The following DIS3L2 variants were observed in gnomAD, a reference collection of about 807,000 sequenced individuals.
DIS3L2 encodes DIS3 like 3'-5' exoribonuclease 2, also known as DIS3-like exonuclease 2.
Under a neutral mutation model 97.5 loss-of-function variants are expected in DIS3L2, and 34 were observed. That is an observed-to-expected ratio of 0.35 (90% confidence interval 0.27 to 0.46). The LOEUF (loss-of-function observed/expected upper bound fraction) is 0.46. Among genes scored for constraint, DIS3L2 ranks in the 20% least tolerant of loss-of-function variants. The pLI, the probability that DIS3L2 is intolerant of heterozygous loss-of-function variation, is 1.00. For missense variants in DIS3L2, 1,038 were observed against 1,146.0 expected (o/e 0.91, Z 1.36); for synonymous variants, 435 against 445.2 (o/e 0.98, Z 0.29).
intron 13 of DIS3L2, among the ~76,000 whole-genome samples, chr2:232,280,706 A>G (rs1162081426): frequency 6.6e-6 from 1 of 152,180 alleles, no homozygotes; most frequent in South Asian, 2.1e-4. Flanking sequence ...GTTTGATGGA[A>G]ATCTGTGAGA....
At chr2:232,022,455 G>A (rs561497169) in intron 3 of DIS3L2, among the ~76,000 whole-genome samples, 1 of 152,202 alleles carries the variant, frequency 6.6e-6, no homozygotes, top group Admixed American at 6.5e-5. Context: ...CCTGGGCCCA[G>A]CCTGGCCTGT....
intron 5 of DIS3L2, among the ~76,000 whole-genome samples, chr2:232,032,756 C>T (rs1178652382): frequency 6.6e-6 from 1 of 152,082 alleles, no homozygotes; most frequent in Non-Finnish European, 1.5e-5. Flanking sequence ...GAATCCTTTC[C>T]CCATTGCTTG....
chr2:232,095,512 C>T (rs529262748), intron 6 of DIS3L2, among the ~76,000 whole-genome samples: 9 of 152,262 alleles, frequency 5.9e-5, no homozygotes, highest in African/African-American at 1.7e-4. Flanking sequence ...ACAATATTAT[C>T]TATGTCTTGA....
At chr2:232,218,159 T>A (rs923334) in intron 10 of DIS3L2, among the ~76,000 whole-genome samples, 32,920 of 152,044 alleles carry the variant, frequency 0.22, 4,606 homozygotes, top group Non-Finnish European at 0.3. Context: ...GTCAGAGAGA[T>A]TCAGTGGCCT....
At chr2:232,329,785 T>TGCCCGGGGGGGGGGCCC in intron 14 of DIS3L2, 28 bp from the exon 15 acceptor site, 93 of 967,100 alleles carry the variant, frequency 9.6e-5, no homozygotes, top group Non-Finnish European at 1.2e-4. Flanking sequence ...ACCCCAGCGG[T>TGCCCGGGGGGGGGGCCC]CCCTCCCATC....
chr2:232,183,274 A>C (rs1002586851), intron 9 of DIS3L2, among the ~76,000 whole-genome samples: 42 of 152,238 alleles, frequency 2.8e-4, no homozygotes, highest in African/African-American at 9.9e-4. Flanking sequence ...CAACTCAAAC[A>C]AACAGAGACA....
chr2:232,008,614 G>A (rs1375608537), intron 1 of DIS3L2, among the ~76,000 whole-genome samples: 1 of 152,174 alleles, frequency 6.6e-6, no homozygotes, highest in African/African-American at 2.4e-5. Context: ...GTTAGTACAA[G>A]TGGGTCTGGC....
At chr2:232,115,005 T>C (rs1697658377) in intron 6 of DIS3L2, among the ~76,000 whole-genome samples, 1 of 152,112 alleles carries the variant, frequency 6.6e-6, no homozygotes, top group Non-Finnish European at 1.5e-5. Flanking sequence ...GAGCTGAATG[T>C]GTTAGCTCAG....
chr2:232,052,514 A>G (rs1695438764), intron 5 of DIS3L2, among the ~76,000 whole-genome samples: 1 of 152,298 alleles, frequency 6.6e-6, no homozygotes, highest in South Asian at 2.1e-4. Flanking sequence ...TGTATGACAT[A>G]AAGGCCTTCC....
chr2:232,004,677 A>G (rs1694003801), intron 1 of DIS3L2, among the ~76,000 whole-genome samples: 2 of 151,436 alleles, frequency 1.3e-5, no homozygotes, highest in Admixed American at 6.6e-5. Context: ...ACCTCCTGGA[A>G]CTCAAGTGAT....
intron 16 of DIS3L2, among the ~76,000 whole-genome samples, chr2:232,333,121 TCGA>T (rs1559218279): frequency 2.7e-5 from 4 of 150,400 alleles, no homozygotes; most frequent in African/African-American, 7.4e-5. Context: ...ATTGTCCTCC[TCGA>T]CCACCACCAC....
At chr2:231,970,825 T>TATA (rs36002164) in intron 1 of DIS3L2, among the ~76,000 whole-genome samples, 83,100 of 151,860 alleles carry the variant, frequency 0.55, 25,173 homozygotes, top group East Asian at 0.82. Flanking sequence ...TTTAATTTTT[T>TATA]ATATTTTGAT....
chr2:232,131,026 A>C (rs1329409760), intron 7 of DIS3L2: 1 of 294,510 alleles, frequency 3.4e-6, no homozygotes, highest in Non-Finnish European at 6.2e-6. Context: ...GTTTTGGTGG[A>C]GTGAGAATTT....
chr2:232,255,050 G>C (rs142943044), intron 12 of DIS3L2, among the ~76,000 whole-genome samples: 48 of 152,352 alleles, frequency 3.2e-4, no homozygotes, highest in East Asian at 2.9e-3. Context: ...TGAGAGGTCA[G>C]ATTCCAGACT....
At chr2:232,334,782 A>G (rs747382842) in intron 19 of DIS3L2, 47 bp downstream of exon 19, 21 of 1,523,704 alleles carry the variant, frequency 1.4e-5, no homozygotes, top group Middle Eastern at 2.2e-4. Context: ...AGCCCAAGCC[A>G]TCCCGCACTG....
At chr2:231,981,879 C>T (rs1693274108) in intron 1 of DIS3L2, among the ~76,000 whole-genome samples, 1 of 150,680 alleles carries the variant, frequency 6.6e-6, no homozygotes, top group African/African-American at 2.4e-5. Context: ...ACTAAAAACA[C>T]AAAAATTAGC....
At chr2:232,076,064 C>G (rs1310959208) in intron 5 of DIS3L2, among the ~76,000 whole-genome samples, 1 of 152,202 alleles carries the variant, frequency 6.6e-6, no homozygotes, top group Non-Finnish European at 1.5e-5. Flanking sequence ...TCACTCCACT[C>G]TGCTTTCACA....
At chr2:232,143,031 A>G (rs969174520) in intron 8 of DIS3L2, among the ~76,000 whole-genome samples, 1 of 152,220 alleles carries the variant, frequency 6.6e-6, no homozygotes, top group African/African-American at 2.4e-5. Flanking sequence ...AATATCGTCT[A>G]GTTGTAAGAC....
chr2:231,966,487 C>T (rs1692718870), intron 1 of DIS3L2, among the ~76,000 whole-genome samples: 1 of 151,390 alleles, frequency 6.6e-6, no homozygotes, highest in Non-Finnish European at 1.5e-5. Flanking sequence ...CTTTTTGAGA[C>T]AGAATCTCAC....
Sources: gnomAD v4.1 joint callset for allele counts (sites outside exome capture counted in the v4.1 genomes callset) on GRCh38, gnomAD v4.1.1 for gene constraint, MANE v1.5 for transcripts, NCBI Gene and HGNC (gene_info 2026-07-23, HGNC 2026-07-21) for gene names.